The following ATF7 variants were observed in gnomAD, a reference collection of about 807,000 sequenced individuals.
ATF7 encodes activating transcription factor 7.
A neutral mutation model predicts 50.4 loss-of-function variants in ATF7; 10 were observed. The observed-to-expected ratio is 0.20, with a 90% CI of 0.12 to 0.34. ATF7 has a LOEUF of 0.34. Among genes scored for constraint, ATF7 ranks in the 10% least tolerant of loss-of-function variants. The pLI is 1.00. For missense variants in ATF7, 465 were observed against 613.9 expected, an observed-to-expected ratio of 0.76 and a Z score of 2.56; for synonymous variants, 201 against 226.4, an observed-to-expected ratio of 0.89 and a Z score of 1.01.
At position 53,584,083 on chromosome 12, in the gene ATF7, G is replaced by A. The variant is rs373471245; in HGVS notation, c.48+16870C>T. 1.8e-4 allele frequency among the ~76,000 whole-genome samples: 28 copies of A among 152,268 alleles called. No homozygotes were observed. In the East Asian group the frequency reaches 1.9e-3, roughly 10 times the overall value. On this transcript the variant is annotated intron_variant, in intron 2 of 11. Coordinates refer to ENST00000420353, the MANE Select transcript of ATF7 (RefSeq NM_006856.3). ...CAACCTCCGCCTCCCAAGTTCAAGC[G>A]ATTCTCCTGGCTTCAGCCTCCTGAG...
intron 1 of ATF7, among the ~76,000 whole-genome samples, chr12:53,625,341 C>G (rs1944559567): frequency 2.0e-5 from 3 of 152,154 alleles, no homozygotes; most frequent in Admixed American, 2.0e-4. Context: ...TCCTTCTCAA[C>G]CCCCATCCCA....
At chr12:53,615,073 C>T (rs896847114) in intron 1 of ATF7, among the ~76,000 whole-genome samples, 1 of 151,462 alleles carries the variant, frequency 6.6e-6, no homozygotes, top group African/African-American at 2.4e-5. Context: ...CGGCAAGACG[C>T]CATCTCAAAA....
At chr12:53,597,439 T>C (rs1013264619) in intron 2 of ATF7, among the ~76,000 whole-genome samples, 1 of 152,184 alleles carries the variant, frequency 6.6e-6, no homozygotes, top group African/African-American at 2.4e-5. Context: ...TTTCTGAGTT[T>C]AGGAATGCAT....
Position 53,534,675 on chromosome 12 carries a change from C to A in ATF7, c.403-16G>T, listed in dbSNP as rs773816493. On this transcript the variant is annotated splice_polypyrimidine_tract_variant and intron_variant, in intron 5 of 11. Coordinates refer to ENST00000420353, the MANE Select transcript of ATF7 (RefSeq NM_006856.3). ...GGGTAACCTCCTGGAGAAAAGAAAC[C>A]AACAGATCACAAAATGTTTTAAGGT... 3.1e-5 allele frequency: 50 copies of A among 1,606,694 alleles called. No homozygotes were observed. The highest frequency in any genetic ancestry group is 4.2e-5 in the Non-Finnish European group (49 of 1,177,978).
At chr12:53,597,242 T>C (rs940885594) in intron 2 of ATF7, among the ~76,000 whole-genome samples, 2 of 152,118 alleles carry the variant, frequency 1.3e-5, no homozygotes, top group Non-Finnish European at 2.9e-5. Flanking sequence ...ACATCAGACT[T>C]ACTGGTGGGA....
chr12:53,599,831 AG>A (rs1565587880), intron 2 of ATF7, among the ~76,000 whole-genome samples: 1 of 152,262 alleles, frequency 6.6e-6, no homozygotes, highest in Non-Finnish European at 1.5e-5. Context: ...CAACCCTTTG[AG>A]TTCTATAAAA....
At chr12:53,541,033 C>T (rs2137426630) in intron 4 of ATF7, among the ~76,000 whole-genome samples, 1 of 152,206 alleles carries the variant, frequency 6.6e-6, no homozygotes, top group South Asian at 2.1e-4. Context: ...CCTCGCGCAG[C>T]CCTCTTTCTG....
intron 2 of ATF7, 51 bp downstream of exon 2, chr12:53,600,902 C>T (rs1943372139): frequency 1.3e-6 from 2 of 1,578,280 alleles, no homozygotes; most frequent in South Asian, 1.1e-5. Flanking sequence ...GATAAAACAG[C>T]CACTTTGATT....
intron 1 of ATF7, among the ~76,000 whole-genome samples, chr12:53,610,616 C>A (rs184721859): frequency 2.0e-5 from 3 of 150,470 alleles, no homozygotes; most frequent in African/African-American, 7.3e-5. Context: ...CTATTTACAA[C>A]CTCTAAAAAG....
intron 3 of ATF7, among the ~76,000 whole-genome samples, chr12:53,551,965 G>T (rs530842094): frequency 6.6e-6 from 1 of 152,212 alleles, no homozygotes; most frequent in African/African-American, 2.4e-5. Context: ...AAGCAAGACA[G>T]TATCTAAAAC....
At chr12:53,616,900 A>G (rs926241134) in intron 1 of ATF7, among the ~76,000 whole-genome samples, 2 of 146,928 alleles carry the variant, frequency 1.4e-5, no homozygotes, top group African/African-American at 5.0e-5. Context: ...AGCCGAGACC[A>G]TGCCACTGTA....
chr12:53,615,155 G>A (rs1367104943), intron 1 of ATF7, among the ~76,000 whole-genome samples: 3 of 151,812 alleles, frequency 2.0e-5, no homozygotes, highest in Non-Finnish European at 2.9e-5. Flanking sequence ...AGACCGAGGC[G>A]GGCGGATCAC....
Position 53,531,850 on chromosome 12 carries a change from C to A in ATF7, c.821G>T (p.Gly274Val), listed in dbSNP as rs760681922. 1 of 1,613,674 alleles carries A rather than the reference C, an allele frequency of 6.2e-7. No homozygotes were observed. Among genetic ancestry groups the A allele is most frequent in the Non-Finnish European group, 8.5e-7 (1 of 1,179,834 alleles). Residue 274 changes from glycine (G) to valine (V), a missense_variant, in exon 9 of 12, where the codon GGT becomes GTT. Gly to Val is a moderately radical substitution (Grantham distance 109). Coordinates refer to ENST00000420353, the MANE Select transcript of ATF7 (RefSeq NM_006856.3). ...LTHQVSSING[G>V]CGMVVGTAST... Reference sequence around the variant, plus strand: ...GGCAGTACCCACCACCATTCCACAACCACCATTGATTGAGGAGACTTGGTG... The same window carrying A: ...GGCAGTACCCACCACCATTCCACAAACACCATTGATTGAGGAGACTTGGTG...
intron 2 of ATF7, among the ~76,000 whole-genome samples, chr12:53,556,688 C>T (rs1298391917): frequency 3.3e-5 from 5 of 152,186 alleles, no homozygotes; most frequent in Non-Finnish European, 1.5e-5. Context: ...AGAGTTAACA[C>T]TTCAGAAATT....
intron 2 of ATF7, among the ~76,000 whole-genome samples, chr12:53,565,236 G>A (rs1941381463): frequency 6.6e-6 from 1 of 151,804 alleles, no homozygotes; most frequent in South Asian, 2.1e-4. Flanking sequence ...CTCCATCAGG[G>A]ATTGGGCAAT....
chr12:53,606,547 C>G (rs1202704065), intron 1 of ATF7, among the ~76,000 whole-genome samples: 1 of 151,864 alleles, frequency 6.6e-6, no homozygotes, highest in African/African-American at 2.4e-5. Flanking sequence ...TGTGCCTGGC[C>G]TGGCACGTTT....
chr12:53,573,387 T>C (rs980274129), intron 2 of ATF7, among the ~76,000 whole-genome samples: 3 of 152,224 alleles, frequency 2.0e-5, no homozygotes, highest in Admixed American at 2.0e-4. Flanking sequence ...AAAATGTGCA[T>C]ATCCTCCTAT....
chr12:53,549,100 C>T (rs369001001), intron 3 of ATF7, among the ~76,000 whole-genome samples: 9 of 151,984 alleles, frequency 5.9e-5, no homozygotes, highest in East Asian at 5.8e-4. Context: ...TCCTGGCTAA[C>T]GCGGTGAAAC....
At chr12:53,623,076 A>C (rs893860260) in intron 1 of ATF7, among the ~76,000 whole-genome samples, 3 of 152,226 alleles carry the variant, frequency 2.0e-5, no homozygotes, top group African/African-American at 7.2e-5. Context: ...TTAACAAGGA[A>C]CTAGATTTAT....
Sources: allele counts gnomAD v4.1 joint callset (sites outside exome capture counted in the v4.1 genomes callset), GRCh38; gene constraint gnomAD v4.1.1; transcripts MANE v1.5; gene names NCBI Gene and HGNC (gene_info 2026-07-23, HGNC 2026-07-21).